The following SAMD12 variants were observed in gnomAD, a reference collection of about 807,000 sequenced individuals.
SAMD12 encodes the protein sterile alpha motif domain containing 12.
Under a neutral mutation model 15.0 loss-of-function variants are expected in SAMD12, and 9 were observed. That is an observed-to-expected ratio of 0.60 (90% CI 0.36 to 1.05). The LOEUF (loss-of-function observed/expected upper bound fraction) is 1.05, where lower values mean the gene tolerates loss of function less well. Among genes scored for constraint, SAMD12 ranks in the 50% least tolerant of loss-of-function variants. SAMD12 has a pLI of 0.01. For missense variants in SAMD12, 230 were observed against 234.2 expected (o/e 0.98, Z 0.12); for synonymous variants, 86 against 90.1 (o/e 0.96, Z 0.25).
At chr8:118,348,377 C>CTT (rs113186433) in intron 4 of SAMD12, among the ~76,000 whole-genome samples, 34,153 of 146,804 alleles carry the variant, frequency 0.23, 4,443 homozygotes, top group African/African-American at 0.33. Context: ...CCACTTATTA[C>CTT]TTTTTTTTTT....
the SAMD12 span, among the ~76,000 whole-genome samples, chr8:118,158,382 G>C: frequency 6.6e-6 from 1 of 152,246 alleles, no homozygotes; most frequent in African/African-American, 2.4e-5. Flanking sequence ...AGCTGCAATG[G>C]TGGAGGTGCT....
intron 4 of SAMD12, among the ~76,000 whole-genome samples, chr8:118,264,085 C>T (rs1813144518): frequency 1.3e-5 from 2 of 152,086 alleles, no homozygotes; most frequent in South Asian, 4.1e-4. Context: ...CTTTCTTACT[C>T]TATTTCTTAA....
chr8:118,204,337 C>A (rs1819801600), intron 4 of SAMD12, among the ~76,000 whole-genome samples: 1 of 152,092 alleles, frequency 6.6e-6, no homozygotes. Context: ...CAGCGCTGGT[C>A]CCATGTCTGC....
intron 2 of SAMD12, among the ~76,000 whole-genome samples, chr8:118,483,129 G>A (rs912959069): frequency 6.6e-6 from 1 of 152,128 alleles, no homozygotes; most frequent in Admixed American, 6.6e-5. Context: ...AGAAAGACAT[G>A]GAAGAGGTAT....
intron 3 of SAMD12, among the ~76,000 whole-genome samples, chr8:118,414,079 T>C (rs1821560567): frequency 6.6e-6 from 1 of 152,216 alleles, no homozygotes; most frequent in African/African-American, 2.4e-5. Context: ...AACTTGGAGA[T>C]TTTGCAAGTT....
chr8:118,320,724 A>G (rs2130448711), intron 4 of SAMD12, among the ~76,000 whole-genome samples: 1 of 151,362 alleles, frequency 6.6e-6, no homozygotes, highest in South Asian at 2.1e-4. Context: ...GTAAATGATG[A>G]GTTAATGGGT....
the SAMD12 span, among the ~76,000 whole-genome samples, chr8:118,137,867 T>A: frequency 6.6e-6 from 1 of 152,308 alleles, no homozygotes; most frequent in South Asian, 2.1e-4. Context: ...GGCTGTGGGT[T>A]GGACAAGCTT....
chr8:118,136,252 A>T, the SAMD12 span, among the ~76,000 whole-genome samples: 2 of 150,466 alleles, frequency 1.3e-5, no homozygotes, highest in Non-Finnish European at 1.5e-5. Flanking sequence ...CTGGTCTCGA[A>T]CTCCTGACCT....
At chr8:118,153,902 T>C in the SAMD12 span, among the ~76,000 whole-genome samples, 4 of 152,126 alleles carry the variant, frequency 2.6e-5, no homozygotes, top group African/African-American at 7.2e-5. Context: ...ATCCAATTTG[T>C]TTTAGATCTC....
At chr8:118,400,974 T>C (rs1182377079) in intron 3 of SAMD12, among the ~76,000 whole-genome samples, 1 of 152,246 alleles carries the variant, frequency 6.6e-6, no homozygotes, top group Admixed American at 6.5e-5. Flanking sequence ...ATGTCAAATG[T>C]TACAACTTCA....
At chr8:118,479,206 C>A (rs1289532862) in intron 2 of SAMD12, among the ~76,000 whole-genome samples, 10 of 152,140 alleles carry the variant, frequency 6.6e-5, no homozygotes, top group Non-Finnish European at 1.2e-4. Flanking sequence ...GCCTCTCTGC[C>A]CTTTCTGTGA....
the SAMD12 span, among the ~76,000 whole-genome samples, chr8:118,163,747 C>A: frequency 6.6e-6 from 1 of 152,090 alleles, no homozygotes; most frequent in Non-Finnish European, 1.5e-5. Context: ...CGGTGGCGGG[C>A]GCCTGTAGTC....
At chr8:118,613,385 T>C (rs1281607813) in intron 1 of SAMD12, among the ~76,000 whole-genome samples, 2 of 152,180 alleles carry the variant, frequency 1.3e-5, no homozygotes, top group African/African-American at 2.4e-5. Flanking sequence ...CAAATTTAGG[T>C]TATAATTGAA....
chr8:118,187,478 C>A (rs1458047359), downstream of SAMD12, among the ~76,000 whole-genome samples: 1 of 152,166 alleles, frequency 6.6e-6, no homozygotes, highest in Non-Finnish European at 1.5e-5. Context: ...TTCTCTAGCA[C>A]AAGATAACCA....
At chr8:118,338,636 G>T (rs544342733) in intron 4 of SAMD12, among the ~76,000 whole-genome samples, 1 of 152,154 alleles carries the variant, frequency 6.6e-6, no homozygotes, top group Non-Finnish European at 1.5e-5. Flanking sequence ...CTACTTGAAG[G>T]CATTCAGAAT....
chr8:118,331,320 G>T (rs1816797490), intron 4 of SAMD12, among the ~76,000 whole-genome samples: 1 of 152,078 alleles, frequency 6.6e-6, no homozygotes, highest in African/African-American at 2.4e-5. Context: ...AAATTTATAT[G>T]GAAGAAAATT....
intron 4 of SAMD12, among the ~76,000 whole-genome samples, chr8:118,282,839 T>G (rs1207297460): frequency 6.6e-6 from 1 of 152,176 alleles, no homozygotes; most frequent in Non-Finnish European, 1.5e-5. Flanking sequence ...TATTTATATA[T>G]ATGTATAGAT....
At chr8:118,563,254 T>C (rs1826758538) in intron 2 of SAMD12, among the ~76,000 whole-genome samples, 1 of 152,232 alleles carries the variant, frequency 6.6e-6, no homozygotes, top group Non-Finnish European at 1.5e-5. Flanking sequence ...CAAACATATG[T>C]TACATTGCTG....
chr8:118,281,044 A>T (rs995879697), intron 4 of SAMD12, among the ~76,000 whole-genome samples: 1 of 152,172 alleles, frequency 6.6e-6, no homozygotes, highest in East Asian at 1.9e-4. Context: ...TTCACATATT[A>T]TCTGAATTCA....
Sources: allele counts gnomAD v4.1 joint callset (sites outside exome capture counted in the v4.1 genomes callset), GRCh38; gene constraint gnomAD v4.1.1; transcripts MANE v1.5; gene names NCBI Gene and HGNC (gene_info 2026-07-23, HGNC 2026-07-21).